Variants in CEP63 observed in about 807,000 individuals in gnomAD.
CEP63 encodes the protein centrosomal protein 63, also known as centrosomal protein of 63 kDa.
In CEP63, 84 loss-of-function variants were observed where a neutral mutation model predicts 89.1. The observed-to-expected ratio is 0.94, with a 90% CI of 0.79 to 1.13. CEP63 has a LOEUF of 1.13. CEP63 is among the 50% of genes most tolerant of loss of function. The pLI is 0.00. For missense variants in CEP63, 838 were observed against 813.3 expected (o/e 1.03, Z -0.37); for synonymous variants, 267 against 272.5 (o/e 0.98, Z 0.20).
chr3:134,629,065 T>C, the CEP63 span, among the ~76,000 whole-genome samples: 1 of 151,798 alleles, frequency 6.6e-6, no homozygotes, highest in Non-Finnish European at 1.5e-5. Flanking sequence ...GAGAAGGGAG[T>C]TGGGGAGACA....
At chr3:134,678,506 G>A in the CEP63 span, among the ~76,000 whole-genome samples, 2 of 152,196 alleles carry the variant, frequency 1.3e-5, no homozygotes, top group African/African-American at 4.8e-5. Context: ...CTCACCAGCT[G>A]CTCAATGAGT....
At chr3:134,686,498 C>G in the CEP63 span, among the ~76,000 whole-genome samples, 70 of 152,266 alleles carry the variant, frequency 4.6e-4, no homozygotes, top group African/African-American at 1.3e-3. Flanking sequence ...AGCCAGGATC[C>G]CACAGTCAGA....
At chr3:134,517,923 T>C (rs1326072055) in intron 3 of CEP63, among the ~76,000 whole-genome samples, 1 of 152,116 alleles carries the variant, frequency 6.6e-6, no homozygotes. Context: ...TTGAAGAATG[T>C]AAAAAGAAGG....
At chr3:134,685,464 A>G in the CEP63 span, among the ~76,000 whole-genome samples, 1 of 152,206 alleles carries the variant, frequency 6.6e-6, no homozygotes, top group Non-Finnish European at 1.5e-5. Flanking sequence ...GAGTCTGGGC[A>G]TAAACATGTG....
At chr3:134,680,029 G>T in the CEP63 span, among the ~76,000 whole-genome samples, 5 of 152,056 alleles carry the variant, frequency 3.3e-5, no homozygotes, top group Non-Finnish European at 5.9e-5. Context: ...CTGGCCAACT[G>T]GTGTTCTTAT....
chr3:134,674,823 G>A, the CEP63 span, among the ~76,000 whole-genome samples: 11 of 152,058 alleles, frequency 7.2e-5, no homozygotes, highest in Non-Finnish European at 1.0e-4. Context: ...ATTCACAATG[G>A]CATCAAAATG....
intron 1 of CEP63, among the ~76,000 whole-genome samples, chr3:134,491,136 G>T (rs1442191490): frequency 6.6e-6 from 1 of 152,158 alleles, no homozygotes; most frequent in African/African-American, 2.4e-5. Context: ...CAGTTGTTAG[G>T]TATTACCAAA....
chr3:134,776,742 T>C, the CEP63 span, among the ~76,000 whole-genome samples: 1 of 152,176 alleles, frequency 6.6e-6, no homozygotes, highest in Non-Finnish European at 1.5e-5. Flanking sequence ...CAATGGGTAT[T>C]CTCCAGAGTT....
At chr3:134,704,483 A>G in the CEP63 span, among the ~76,000 whole-genome samples, 5 of 152,326 alleles carry the variant, frequency 3.3e-5, no homozygotes, top group Middle Eastern at 0.017. Context: ...TCAGATAAAG[A>G]AGGAAAAACA....
At chr3:134,709,643 C>T in the CEP63 span, among the ~76,000 whole-genome samples, 1 of 152,184 alleles carries the variant, frequency 6.6e-6, no homozygotes, top group South Asian at 2.1e-4. Context: ...AATAAATGGA[C>T]ACTTGTGCAG....
the CEP63 span, among the ~76,000 whole-genome samples, chr3:134,756,004 G>T: frequency 1.3e-5 from 2 of 152,232 alleles, no homozygotes; most frequent in Non-Finnish European, 1.5e-5. Flanking sequence ...TTTAGTCCCT[G>T]CCAGGAAGCT....
At chr3:134,569,046 C>T (rs555860658), downstream of CEP63, among the ~76,000 whole-genome samples, 83 of 152,236 alleles carry the variant, frequency 5.5e-4, no homozygotes, top group African/African-American at 1.8e-3. Context: ...TCAGATCTTG[C>T]GAGACTTATT....
At chr3:134,627,756 C>T in the CEP63 span, 1 of 1,613,660 alleles carries the variant, frequency 6.2e-7, no homozygotes, top group East Asian at 2.2e-5. Context: ...TGGAACTTAC[C>T]ATGGGCATCT....
At chr3:134,553,715 T>C (rs1427592724) in intron 12 of CEP63, among the ~76,000 whole-genome samples, 2 of 152,218 alleles carry the variant, frequency 1.3e-5, no homozygotes, top group Non-Finnish European at 2.9e-5. Context: ...ACGGCCTTTC[T>C]AGAGGACAGC....
At chr3:134,605,053 A>G in the CEP63 span, among the ~76,000 whole-genome samples, 1 of 150,548 alleles carries the variant, frequency 6.6e-6, no homozygotes, top group Admixed American at 6.6e-5. Flanking sequence ...TATCTTAGCC[A>G]TGTTTCAGGA....
At chr3:134,522,697 G>C in intron 3 of CEP63, among the ~76,000 whole-genome samples, 1 of 152,050 alleles carries the variant, frequency 6.6e-6, no homozygotes, top group Non-Finnish European at 1.5e-5. Flanking sequence ...CCATTTATAA[G>C]TGAGAATATG....
At chr3:134,610,334 C>G in the CEP63 span, 1 of 1,613,626 alleles carries the variant, frequency 6.2e-7, no homozygotes, top group South Asian at 1.1e-5. Context: ...GTCTGGTAGC[C>G]GAAACCCTTG....
At chr3:134,763,162 G>A in the CEP63 span, among the ~76,000 whole-genome samples, 1 of 151,652 alleles carries the variant, frequency 6.6e-6, no homozygotes. Flanking sequence ...CATGTGCTCT[G>A]TTGGTGTGCT....
intron 3 of CEP63, among the ~76,000 whole-genome samples, chr3:134,508,139 T>C (rs1310083520): frequency 6.6e-6 from 1 of 152,186 alleles, no homozygotes; most frequent in Non-Finnish European, 1.5e-5. Context: ...AGAAAACTTA[T>C]TAAGAATAGT....
Sources: allele counts gnomAD v4.1 joint callset (sites outside exome capture counted in the v4.1 genomes callset), GRCh38; gene constraint gnomAD v4.1.1; transcripts MANE v1.5; gene names NCBI Gene and HGNC (gene_info 2026-07-23, HGNC 2026-07-21).